RSU1: variants seen among roughly 807,000 people sequenced by gnomAD.
The protein encoded by RSU1 is Ras suppressor protein 1, also known as rsu-1.
In RSU1, 26 loss-of-function variants were observed where a neutral mutation model predicts 31.1. The ratio of observed to expected loss-of-function variants is 0.84; its 90% CI spans 0.61 to 1.16. RSU1 has a LOEUF of 1.16. Among genes scored for constraint, RSU1 ranks in the 50% most tolerant of loss-of-function variants. The pLI is 0.00. For missense variants in RSU1, 320 were observed against 339.1 expected (o/e 0.94, Z 0.44); for synonymous variants, 164 against 136.3 (o/e 1.20, Z -1.41).
intron 8 of RSU1, among the ~76,000 whole-genome samples, chr10:16,688,603 C>G (rs529055257): frequency 1.3e-5 from 2 of 151,840 alleles, no homozygotes; most frequent in Admixed American, 1.3e-4. Flanking sequence ...AGCGAGACTC[C>G]GTCTCAAAAA....
In RSU1 at chr10:16,785,526, A is replaced by ATACACATATATACATATATACAT. The variant is rs1240281059; in HGVS notation, c.110-3443_110-3442insATGTATATATGTATATATGTGTA. ...CACATATATACATATATATATATAT[A>ATACACATATATACATATATACAT]ATATTAGTTCTTTCCCTCTAGAGAA... On this transcript the variant is annotated intron_variant, in intron 2 of 8. Transcript: ENST00000345264. 1.3e-4 allele frequency among the ~76,000 whole-genome samples: 19 copies of ATACACATATATACATATATACAT among 141,786 alleles called. No individual in the cohort carries two copies. The East Asian group carries it at 2.0e-3, about 15-fold the overall frequency. The allele number at this position is 141,786 out of a possible 152,430, so 93.0% of individuals were successfully genotyped here.
At chr10:16,656,648 G>A (rs1834785423) in intron 8 of RSU1, among the ~76,000 whole-genome samples, 1 of 152,168 alleles carries the variant, frequency 6.6e-6, no homozygotes, top group Non-Finnish European at 1.5e-5. Flanking sequence ...GTATGCACAA[G>A]CATATGCACA....
At chr10:16,682,891 G>C (rs1835358741) in intron 8 of RSU1, among the ~76,000 whole-genome samples, 1 of 152,090 alleles carries the variant, frequency 6.6e-6, no homozygotes, top group African/African-American at 2.4e-5. Context: ...CTCCTTATGA[G>C]TGAAGGACAC....
intron 7 of RSU1, among the ~76,000 whole-genome samples, chr10:16,724,766 G>C (rs1258719603): frequency 6.6e-6 from 1 of 152,230 alleles, no homozygotes; most frequent in Non-Finnish European, 1.5e-5. Flanking sequence ...AAGTGACAAG[G>C]CTGTTGCTTA....
chr10:16,728,621 C>A (rs1328802947), intron 7 of RSU1, among the ~76,000 whole-genome samples: 1 of 152,150 alleles, frequency 6.6e-6, no homozygotes, highest in African/African-American at 2.4e-5. Context: ...ATCCCTGGAA[C>A]CTGCGCATAT....
At chr10:16,660,036 A>C (rs539201312) in intron 8 of RSU1, among the ~76,000 whole-genome samples, 5 of 152,318 alleles carry the variant, frequency 3.3e-5, no homozygotes, top group Admixed American at 1.3e-4. Flanking sequence ...AGTTCAGAAA[A>C]AACTATTCAA....
intron 7 of RSU1, among the ~76,000 whole-genome samples, chr10:16,742,045 G>A (rs1361825290): frequency 5.3e-5 from 8 of 152,120 alleles, no homozygotes; most frequent in Non-Finnish European, 2.9e-5. Context: ...GGATTCAATA[G>A]GGGCTGTCCA....
intron 8 of RSU1, among the ~76,000 whole-genome samples, chr10:16,666,117 G>C (rs1834982984): frequency 6.6e-6 from 1 of 152,014 alleles, no homozygotes; most frequent in Non-Finnish European, 1.5e-5. Context: ...CATTTTATCT[G>C]TGACTATTTT....
rs1334818601 is a variant in RSU1 at position 16,593,415 on chromosome 10, G to A, written c.813C>T (p.Pro271=). 1.2e-6 allele frequency: 2 copies of A among 1,613,992 alleles called. No individual in the cohort carries two copies. Among genetic ancestry groups the A allele is most frequent in the African/African-American group, 1.3e-5 (1 of 74,910 alleles). ...TTCCTTATCTGTTCTTGGCTGCCAG[G>A]GGTTTCCGGCTGATCTTTTTCGATT... The part of the protein sequence containing the change: ...NDKSKKISRK[P]LAAKNR Residue 271 remains proline, a synonymous_variant, in exon 9 of 9, where the codon CCC becomes CCT. Transcript: ENST00000345264.
At chr10:16,749,968 A>G (rs1212593828) in intron 7 of RSU1, among the ~76,000 whole-genome samples, 1 of 152,174 alleles carries the variant, frequency 6.6e-6, no homozygotes, top group Non-Finnish European at 1.5e-5. Flanking sequence ...GTCAGGTTCA[A>G]ATCTCACCTG....
At chr10:16,606,146 C>T (rs561672395) in intron 8 of RSU1, among the ~76,000 whole-genome samples, 8 of 152,228 alleles carry the variant, frequency 5.3e-5, no homozygotes, top group East Asian at 3.9e-4. Context: ...TGTCCTCTTG[C>T]GGACACTTTT....
chr10:16,654,422 C>G lies in RSU1; in HGVS notation c.731+40601G>C, dbSNP rs1165790482. Among the ~76,000 whole-genome samples the G allele has an allele frequency of 9.5e-5, 14 of 147,856 alleles. 1 individual carries two copies. Among genetic ancestry groups the G allele is most frequent in the Admixed American group, 9.4e-4 (14 of 14,914 alleles). On this transcript the variant is annotated intron_variant, in intron 8 of 8. Coordinates refer to ENST00000345264, the MANE Select transcript of RSU1 (RefSeq NM_012425.4). The stretch of plus-strand genomic sequence containing the variant: ...TGGTGGCTCATGCTTGTAATCCCAG[C>G]ACTTTGGGAGGCTGAGGTGGGTGGA...
At chr10:16,718,443 G>C (rs1007878912) in intron 7 of RSU1, among the ~76,000 whole-genome samples, 8 of 152,084 alleles carry the variant, frequency 5.3e-5, no homozygotes, top group Non-Finnish European at 1.2e-4. Flanking sequence ...ATCCTGATCT[G>C]GAAAGTCAAA....
chr10:16,727,520 G>A (rs1377639739), intron 7 of RSU1, among the ~76,000 whole-genome samples: 1 of 152,056 alleles, frequency 6.6e-6, no homozygotes, highest in African/African-American at 2.4e-5. Flanking sequence ...AACAACGGCT[G>A]GAATTTCAAA....
At chr10:16,763,212 T>C (rs1837244364) in intron 4 of RSU1, among the ~76,000 whole-genome samples, 1 of 152,154 alleles carries the variant, frequency 6.6e-6, no homozygotes. Context: ...TTGGGGTCTA[T>C]GGATCTATTT....
In RSU1 at chr10:16,771,649, T is replaced by C. The variant is rs189261668; in HGVS notation, c.161-7139A>G. ...TAGTTATAGTGATTAATTACCTTTG[T>C]TTTCTGGCCAAAAACACAAGGTGGA... On this transcript the variant is annotated intron_variant, in intron 3 of 8. Transcript: ENST00000345264. 1.5e-3 allele frequency among the ~76,000 whole-genome samples: 224 copies of C among 152,336 alleles called. 2 individuals are homozygous for C. Among genetic ancestry groups the C allele is most frequent in the Admixed American group, 0.014 (212 of 15,302 alleles).
At chr10:16,614,568 A>G (rs2131471445) in intron 8 of RSU1, among the ~76,000 whole-genome samples, 1 of 152,328 alleles carries the variant, frequency 6.6e-6, no homozygotes, top group African/African-American at 2.4e-5. Flanking sequence ...ATATACCAAG[A>G]TGTGATTATT....
chr10:16,731,739 G>A (rs1040925581), intron 7 of RSU1, among the ~76,000 whole-genome samples: 8 of 151,834 alleles, frequency 5.3e-5, no homozygotes, highest in African/African-American at 1.7e-4. Flanking sequence ...TTCATTGACT[G>A]CTACTAAGGC....
intron 8 of RSU1, among the ~76,000 whole-genome samples, chr10:16,649,406 T>G (rs1834638133): frequency 6.6e-6 from 1 of 152,038 alleles, no homozygotes; most frequent in African/African-American, 2.4e-5. Flanking sequence ...TTATCAGTCT[T>G]TAAAAGAGAA....
Sources: allele counts gnomAD v4.1 joint callset (sites outside exome capture counted in the v4.1 genomes callset), GRCh38; gene constraint gnomAD v4.1.1; transcripts MANE v1.5; gene names NCBI Gene and HGNC (gene_info 2026-07-23, HGNC 2026-07-21).